PCP4L1: variants seen among roughly 807,000 people sequenced by gnomAD.
PCP4L1 encodes the protein Purkinje cell protein 4-like protein 1.
PCP4L1 carries 9 observed loss-of-function variants against 9.6 expected under a neutral mutation model. That is an observed-to-expected ratio of 0.94 (90% CI 0.57 to 1.64). PCP4L1 has a LOEUF of 1.64. Among genes scored for constraint, PCP4L1 ranks in the 40% most tolerant of loss-of-function variants. The pLI, the probability that PCP4L1 is intolerant of heterozygous loss-of-function variation, is 0.00. For missense variants in PCP4L1, 81 were observed against 80.8 expected (o/e 1.00, Z -0.01); for synonymous variants, 31 against 28.2 (o/e 1.10, Z -0.31).
Position 161,267,904 on chromosome 1 carries a change from G to T in PCP4L1, c.9+8921G>T, listed in dbSNP as rs138281238. ...ATTTTTGTATTTTTAGTAGAGACAG[G>T]GTTTCACCATGTTGGCCAGGCTGGT... On this transcript the variant is annotated intron_variant, in intron 1 of 2. Transcript: ENST00000504449. Among the ~76,000 whole-genome samples the T allele has an allele frequency of 9.9e-5, 15 of 152,178 alleles. No individual in the cohort carries two copies. The East Asian group carries it at 2.9e-3, about 29-fold the overall frequency.
intron 1 of PCP4L1, among the ~76,000 whole-genome samples, chr1:161,281,628 G>C (rs1333706461): frequency 1.3e-5 from 2 of 151,858 alleles, no homozygotes; most frequent in African/African-American, 4.8e-5. Context: ...CTCCCTCCCG[G>C]ACGGGGTGGC....
intron 1 of PCP4L1, among the ~76,000 whole-genome samples, chr1:161,274,504 A>G (rs1163119403): frequency 6.6e-6 from 1 of 152,234 alleles, no homozygotes; most frequent in Non-Finnish European, 1.5e-5. Flanking sequence ...TTTTTGTGAG[A>G]AACACTAGAG....
chr1:161,264,173 A>G (rs2102231497), intron 1 of PCP4L1, among the ~76,000 whole-genome samples: 1 of 151,802 alleles, frequency 6.6e-6, no homozygotes, highest in Non-Finnish European at 1.5e-5. Context: ...TTGGTCTCCC[A>G]AAGTGCTGGG....
At chr1:161,262,426 T>C (rs1571789644) in intron 1 of PCP4L1, among the ~76,000 whole-genome samples, 1 of 93,058 alleles carries the variant, frequency 1.1e-5, no homozygotes, top group African/African-American at 4.4e-5. Context: ...AGAGCGAGAC[T>C]CCATCTCAAA....
chr1:161,278,000 C>T (rs1669730173), intron 1 of PCP4L1, among the ~76,000 whole-genome samples: 1 of 152,176 alleles, frequency 6.6e-6, no homozygotes, highest in Admixed American at 6.6e-5. Context: ...GGCAACCCCT[C>T]CACTTATGCA....
intron 1 of PCP4L1, among the ~76,000 whole-genome samples, chr1:161,263,622 C>T (rs1436149519): frequency 6.6e-6 from 1 of 150,378 alleles, no homozygotes; most frequent in African/African-American, 2.5e-5. Context: ...ATCTCTGTCA[C>T]CCAGGCTGGA....
intron 1 of PCP4L1, among the ~76,000 whole-genome samples, chr1:161,262,177 G>A (rs1669427641): frequency 6.6e-6 from 1 of 152,104 alleles, no homozygotes; most frequent in Non-Finnish European, 1.5e-5. Context: ...GCTCACGCGT[G>A]TAATCCCAAC....
intron 1 of PCP4L1, among the ~76,000 whole-genome samples, chr1:161,282,380 AGAGAGGGAGAGGGAGACCGTGGG>A (rs1278654412): frequency 5.7e-5 from 7 of 123,718 alleles, no homozygotes; most frequent in Non-Finnish European, 1.0e-4. Flanking sequence ...GAGCGTGGAA[AGAGAGGGAGAGGGAGACCGTGGG>A]GAGAGGGAGA....
intron 1 of PCP4L1, among the ~76,000 whole-genome samples, chr1:161,264,808 G>A (rs981320483): frequency 1.3e-5 from 2 of 152,140 alleles, no homozygotes; most frequent in Non-Finnish European, 2.9e-5. Context: ...CAGCCTGGGC[G>A]ATAGAGTGAG....
Position 161,283,753 on chromosome 1 carries a change from A to G in PCP4L1, c.64+31A>G, listed in dbSNP as rs1050663620. The G allele has an allele frequency of 2.5e-6, 4 of 1,585,570 alleles. No individual in the cohort carries two copies. The African/African-American group carries it at 4.0e-5, about 16-fold the overall frequency. On this transcript the variant is annotated intron_variant, in intron 2 of 2. Coordinates refer to ENST00000504449, the MANE Select transcript of PCP4L1 (RefSeq NM_001102566.2). ...TGGGGTTGGGCTAGGCAGTTTGTAGAGCAGGTGACTGTAGAGACATAAAGA... is the reference window on the plus strand; with the variant it reads ...TGGGGTTGGGCTAGGCAGTTTGTAGGGCAGGTGACTGTAGAGACATAAAGA...
intron 1 of PCP4L1, 125 bp downstream of exon 1, chr1:161,259,108 C>T: frequency 1.5e-6 from 2 of 1,337,956 alleles, no homozygotes; most frequent in African/African-American, 1.5e-5. Context: ...CCAGGGGCGC[C>T]CCACTGCCCT....
intron 1 of PCP4L1, among the ~76,000 whole-genome samples, chr1:161,267,004 T>C (rs1403161071): frequency 6.6e-6 from 1 of 152,010 alleles, no homozygotes; most frequent in Non-Finnish European, 1.5e-5. Context: ...AGTGGGAGGG[T>C]GCAAAGCCTC....
intron 1 of PCP4L1, among the ~76,000 whole-genome samples, chr1:161,272,558 CAAAAA>C (rs551047419): frequency 7.0e-5 from 5 of 71,854 alleles, no homozygotes; most frequent in Admixed American, 4.6e-4. Context: ...AACTCCGTCT[CAAAAA>C]AAAAAAAAAA....
At chr1:161,266,189 A>G (rs1296060234) in intron 1 of PCP4L1, among the ~76,000 whole-genome samples, 1 of 152,074 alleles carries the variant, frequency 6.6e-6, no homozygotes, top group African/African-American at 2.4e-5. Context: ...TACCCCACCC[A>G]GGGAAAAGGG....
chr1:161,263,451 C>T (rs1389779769), intron 1 of PCP4L1, among the ~76,000 whole-genome samples: 2 of 152,108 alleles, frequency 1.3e-5, no homozygotes, highest in Non-Finnish European at 2.9e-5. Context: ...GTTGGCCAGA[C>T]TGGTCTCGAA....
At position 161,284,447 on chromosome 1, in the gene PCP4L1, G is replaced by A. The variant is rs767831354; in HGVS notation, c.173G>A (p.Arg58Gln). The A allele has an allele frequency of 1.9e-6, 3 of 1,613,908 alleles. No homozygotes were observed. Among genetic ancestry groups the A allele is most frequent in the Middle Eastern group, 1.6e-4 (1 of 6,062 alleles). Reference sequence around the variant, plus strand: ...CTTGCTATTCAGGGCAAGTTCCGGCGATTTCAGAAAAGGAAAAAGGATCCC... The same window carrying A: ...CTTGCTATTCAGGGCAAGTTCCGGCAATTTCAGAAAAGGAAAAAGGATCCC... ...AALAIQGKFR[R>Q]FQKRKKDPSS The change falls in exon 3 of 3, where the codon CGA becomes CAA. Residue 58 changes from arginine to glutamine, a missense_variant. Coordinates refer to ENST00000504449, the MANE Select transcript of PCP4L1 (RefSeq NM_001102566.2).
intron 1 of PCP4L1, among the ~76,000 whole-genome samples, chr1:161,277,799 TCTC>T (rs534941110): frequency 2.5e-4 from 38 of 152,266 alleles, no homozygotes; most frequent in African/African-American, 8.7e-4. Flanking sequence ...TTTCAGTCAT[TCTC>T]CTCTTTCCTC....
At chr1:161,260,033 C>T (rs1351238593) in intron 1 of PCP4L1, among the ~76,000 whole-genome samples, 1 of 152,174 alleles carries the variant, frequency 6.6e-6, no homozygotes, top group East Asian at 1.9e-4. Flanking sequence ...CAGGACCTGG[C>T]ACTCAATCTA....
chr1:161,282,563 G>A (rs1024995980), intron 1 of PCP4L1, among the ~76,000 whole-genome samples: 1 of 152,028 alleles, frequency 6.6e-6, no homozygotes, highest in African/African-American at 2.4e-5. Context: ...TATATCAATA[G>A]CTCCCTAACT....
Sources: gnomAD v4.1 joint callset for allele counts (sites outside exome capture counted in the v4.1 genomes callset) on GRCh38, gnomAD v4.1.1 for gene constraint, MANE v1.5 for transcripts, NCBI Gene and HGNC (gene_info 2026-07-23, HGNC 2026-07-21) for gene names.